SH3RF2: variants seen among roughly 807,000 people sequenced by gnomAD.
The protein encoded by SH3RF2 is E3 ubiquitin-protein ligase SH3RF2.
Under a neutral mutation model 59.0 loss-of-function variants are expected in SH3RF2, and 43 were observed. That is an observed-to-expected ratio of 0.73 (90% CI 0.57 to 0.94). The LOEUF is 0.94. Ranked by LOEUF, SH3RF2 falls within the 40% of genes least tolerant of loss-of-function variation. The probability of loss-of-function intolerance (pLI) is 0.00; values close to 1 mark genes in which losing one functional copy is unlikely to be tolerated. For synonymous variants in SH3RF2, 391 were observed against 391.5 expected (o/e 1.00, Z 0.01); for missense variants, 930 against 940.1 (o/e 0.99, Z 0.14).
intron 5 of SH3RF2, among the ~76,000 whole-genome samples, chr5:146,028,373 G>C (rs1297117635): frequency 6.6e-6 from 1 of 152,212 alleles, no homozygotes; most frequent in Non-Finnish European, 1.5e-5. Context: ...CAGCCAAGTG[G>C]CTCAACCTTG....
intron 2 of SH3RF2, among the ~76,000 whole-genome samples, chr5:145,941,554 T>G (rs1469407267): frequency 6.6e-6 from 1 of 152,200 alleles, no homozygotes; most frequent in African/African-American, 2.4e-5. Flanking sequence ...TGGCAAGCCT[T>G]CAAAAGGATT....
intron 9 of SH3RF2, among the ~76,000 whole-genome samples, chr5:146,077,531 T>C (rs1228857783): frequency 6.6e-6 from 1 of 152,234 alleles, no homozygotes; most frequent in African/African-American, 2.4e-5. Flanking sequence ...TTCTGGACCA[T>C]TTGAGTGTAA....
chr5:145,949,183 G>A (rs149536482), intron 2 of SH3RF2, among the ~76,000 whole-genome samples: 51 of 152,256 alleles, frequency 3.3e-4, no homozygotes, highest in East Asian at 2.5e-3. Context: ...CAGGGGATTC[G>A]GAGGTAATTG....
chr5:146,037,263 G>A (rs764577028), intron 5 of SH3RF2, among the ~76,000 whole-genome samples: 1 of 152,116 alleles, frequency 6.6e-6, no homozygotes, highest in Non-Finnish European at 1.5e-5. Flanking sequence ...AGGCTCAGAG[G>A]GATTAAGTCT....
chr5:146,006,844 C>T (rs1468750109), intron 4 of SH3RF2, among the ~76,000 whole-genome samples: 1 of 152,214 alleles, frequency 6.6e-6, no homozygotes, highest in African/African-American at 2.4e-5. Context: ...CTCACATAGT[C>T]ACTCAGGAAC....
intron 2 of SH3RF2, among the ~76,000 whole-genome samples, chr5:145,989,680 G>GT (rs1759860705): frequency 6.6e-6 from 1 of 152,194 alleles, no homozygotes; most frequent in African/African-American, 2.4e-5. Flanking sequence ...ATTGATGTTG[G>GT]TCCCACCTGA....
chr5:145,947,244 A>G (rs1358711029), intron 2 of SH3RF2, among the ~76,000 whole-genome samples: 1 of 151,760 alleles, frequency 6.6e-6, no homozygotes, highest in Non-Finnish European at 1.5e-5. Context: ...TTTTTAAAAT[A>G]TGTATTCCAA....
chr5:145,957,746 G>A (rs1448276253), intron 2 of SH3RF2, among the ~76,000 whole-genome samples: 1 of 152,030 alleles, frequency 6.6e-6, no homozygotes, highest in Non-Finnish European at 1.5e-5. Flanking sequence ...CTCTGAATGA[G>A]CACCTCACTG....
intron 7 of SH3RF2, among the ~76,000 whole-genome samples, chr5:146,054,551 C>T (rs1762602757): frequency 6.6e-6 from 1 of 152,220 alleles, no homozygotes; most frequent in African/African-American, 2.4e-5. Flanking sequence ...TCTGACCTCT[C>T]TCTAATGAAC....
chr5:146,062,337 A>G (rs1580943541), intron 9 of SH3RF2, 89 bp from the exon 10 acceptor site: 2 of 1,495,940 alleles, frequency 1.3e-6, no homozygotes, highest in South Asian at 2.6e-5. Context: ...GAATGAACAC[A>G]TAAATGAGAC....
At chr5:146,034,253 G>A (rs1437700904) in intron 5 of SH3RF2, among the ~76,000 whole-genome samples, 1 of 152,142 alleles carries the variant, frequency 6.6e-6, no homozygotes, top group East Asian at 1.9e-4. Flanking sequence ...TGCATTAATT[G>A]CCCAAACAGC....
Position 146,059,909 on chromosome 5 carries a change from C to T in SH3RF2, c.1599C>T (p.Leu533=), listed in dbSNP as rs148067714. 3.8e-3 allele frequency: 5,750 copies of T among 1,501,968 alleles called. 14 individuals carry two copies. Among genetic ancestry groups the T allele is most frequent in the Non-Finnish European group, 4.5e-3 (5,105 of 1,125,776 alleles). The allele number at this position is 1,501,968 out of a possible 1,614,324, so 93.0% of individuals were successfully genotyped here. ...CCCTCCAGTCCGGGATCCCCACTCT[C>T]GTGGTAGGCTCCCTCAGACGCAGCC... is the stretch of plus-strand genomic sequence containing the variant. ...QRPLQSGIPT[L]VVGSLRRSPT... Residue 533 remains leucine (L), a synonymous_variant, in exon 9 of 10, where the codon CTC becomes CTT. Coordinates refer to ENST00000359120, the MANE Select transcript of SH3RF2 (RefSeq NM_152550.4).
Position 146,061,520 on chromosome 5 carries a change from C to T in SH3RF2, c.1915-906C>T, listed in dbSNP as rs189486016. Among the ~76,000 whole-genome samples the T allele has an allele frequency of 1.3e-3, 200 of 152,224 alleles. 2 individuals are homozygous for T. The highest frequency in any genetic ancestry group is 4.4e-3 in the Admixed American group (68 of 15,286). ...TGGCTAGATATTAGGAGGATCAGAA[C>T]GTATGAAGAAACTCAGATCTTAGTG... On this transcript the variant is annotated intron_variant, in intron 9 of 9. Transcript: ENST00000359120.
At chr5:145,997,173 A>G in intron 2 of SH3RF2, 2 of 727,526 alleles carry the variant, frequency 2.7e-6, no homozygotes, top group Non-Finnish European at 5.0e-6. Context: ...CATTCTCCCC[A>G]GCATTTACCA....
At chr5:145,964,380 C>A (rs1367707032) in intron 2 of SH3RF2, among the ~76,000 whole-genome samples, 4 of 149,088 alleles carry the variant, frequency 2.7e-5, no homozygotes. Flanking sequence ...CATCTCAGCT[C>A]GCTGCAACCT....
intron 5 of SH3RF2, among the ~76,000 whole-genome samples, chr5:146,045,141 T>C (rs996896830): frequency 6.6e-6 from 1 of 152,202 alleles, no homozygotes; most frequent in African/African-American, 2.4e-5. Flanking sequence ...ATAAGCCCTG[T>C]AGGGGTTTAA....
intron 7 of SH3RF2, among the ~76,000 whole-genome samples, chr5:146,054,651 T>A (rs1472632741): frequency 6.6e-6 from 1 of 152,240 alleles, no homozygotes; most frequent in African/African-American, 2.4e-5. Flanking sequence ...CTAGAGCACT[T>A]GGTTGAATAT....
chr5:145,983,765 G>A (rs572750949), intron 2 of SH3RF2, among the ~76,000 whole-genome samples: 1 of 152,174 alleles, frequency 6.6e-6, no homozygotes, highest in East Asian at 1.9e-4. Context: ...TCAGTACAGA[G>A]GGCATGTTGG....
At chr5:146,054,711 G>C (rs1464531350) in intron 7 of SH3RF2, among the ~76,000 whole-genome samples, 3 of 152,124 alleles carry the variant, frequency 2.0e-5, no homozygotes, top group Non-Finnish European at 4.4e-5. Flanking sequence ...ACTTATCTTC[G>C]TACAATACTG....
Sources: gnomAD v4.1 joint callset for allele counts (sites outside exome capture counted in the v4.1 genomes callset) on GRCh38, gnomAD v4.1.1 for gene constraint, MANE v1.5 for transcripts, NCBI Gene and HGNC (gene_info 2026-07-23, HGNC 2026-07-21) for gene names.